Variants in KYNU observed in about 807,000 individuals in gnomAD.
KYNU encodes the protein L-kynurenine hydrolase.
A neutral mutation model predicts 59.2 loss-of-function variants in KYNU; 54 were observed. The ratio of observed to expected loss-of-function variants is 0.91; its 90% CI spans 0.73 to 1.14. The LOEUF (loss-of-function observed/expected upper bound fraction) is 1.14, where lower values mean the gene tolerates loss of function less well. Among genes scored for constraint, KYNU ranks in the 50% most tolerant of loss-of-function variants. The pLI, the probability that KYNU is intolerant of heterozygous loss-of-function variation, is 0.00. For synonymous variants in KYNU, 177 were observed against 192.0 expected (o/e 0.92, Z 0.65); for missense variants, 567 against 554.4 (o/e 1.02, Z -0.23).
At chr2:142,887,752 C>T (rs1304046860) in intron 2 of KYNU, among the ~76,000 whole-genome samples, 1 of 152,044 alleles carries the variant, frequency 6.6e-6, no homozygotes, top group Non-Finnish European at 1.5e-5. Context: ...TTGTCAGGAA[C>T]TTGGAGAGGG....
At chr2:142,966,996 ATAATC>A (rs1196866956) in intron 8 of KYNU, among the ~76,000 whole-genome samples, 2 of 152,060 alleles carry the variant, frequency 1.3e-5, no homozygotes, top group South Asian at 2.1e-4. Flanking sequence ...AAAGAAAAGA[ATAATC>A]TAAGCAGTTT....
chr2:142,946,831 T>C (rs994318614), intron 4 of KYNU, among the ~76,000 whole-genome samples: 3 of 152,208 alleles, frequency 2.0e-5, no homozygotes, highest in African/African-American at 7.2e-5. Flanking sequence ...GATAGCATCT[T>C]CTTCCAATAG....
At chr2:142,938,817 AT>A (rs201920749) in intron 4 of KYNU, among the ~76,000 whole-genome samples, 9,797 of 152,054 alleles carry the variant, frequency 0.064, 473 homozygotes, top group Non-Finnish European at 0.088. Flanking sequence ...AACCTATTAA[AT>A]TTTTTTTAAT....
At position 143,047,255 on chromosome 2, in the gene KYNU, A is replaced by G. The variant is rs1687180208; in HGVS notation, c.*5083A>G. 1 of 152,030 alleles carries G rather than the reference A, an allele frequency of 6.6e-6. No individual in the cohort carries two copies. Among genetic ancestry groups the G allele is most frequent in the African/African-American group, 2.4e-5 (1 of 41,386 alleles). The allele number at this position is 152,030 out of a possible 1,614,324, so 9.4% of individuals were successfully genotyped here. On this transcript the variant is annotated 3_prime_UTR_variant, in exon 14 of 14. Coordinates refer to ENST00000264170, the MANE Select transcript of KYNU (RefSeq NM_003937.3). Reference sequence around the variant, plus strand: ...CATTTTTAAGTGTTAAGTTAAAAAAAGTTGTAGAAACAGTGTTTTGCTACA... The same window carrying G: ...CATTTTTAAGTGTTAAGTTAAAAAAGGTTGTAGAAACAGTGTTTTGCTACA...
At position 142,881,723 on chromosome 2, in the gene KYNU, C is replaced by T. The variant is rs1254087853; in HGVS notation, c.-19-3626C>T. On this transcript the variant is annotated intron_variant, in intron 1 of 13. Coordinates refer to ENST00000264170, the MANE Select transcript of KYNU (RefSeq NM_003937.3). ...GACATTTCTACCTGCATGTTCAATA[C>T]TTATTTGAAACTTAATATATCCTAA... Among the ~76,000 whole-genome samples the T allele has an allele frequency of 2.0e-5, 3 of 152,026 alleles. No individual in the cohort carries two copies. In the East Asian group the frequency reaches 5.8e-4, roughly 29 times the overall value.
At chr2:143,018,961 T>C (rs12463485) in intron 10 of KYNU, among the ~76,000 whole-genome samples, 17,807 of 152,164 alleles carry the variant, frequency 0.12, 1,124 homozygotes, top group East Asian at 0.25. Flanking sequence ...ATAGAAGTGC[T>C]ACTGATTTTT....
chr2:142,894,109 C>T (rs559999204), intron 2 of KYNU, among the ~76,000 whole-genome samples: 10 of 152,260 alleles, frequency 6.6e-5, no homozygotes, highest in African/African-American at 2.4e-4. Flanking sequence ...TTGAAATCCT[C>T]GAAATACGAA....
chr2:142,960,004 C>T (rs143179311), intron 7 of KYNU, among the ~76,000 whole-genome samples: 11 of 152,002 alleles, frequency 7.2e-5, no homozygotes, highest in Admixed American at 4.6e-4. Flanking sequence ...CTCGTGCTTC[C>T]GCCACCCAAG....
chr2:143,004,097 A>T (rs1685794893), intron 10 of KYNU, among the ~76,000 whole-genome samples: 1 of 152,238 alleles, frequency 6.6e-6, no homozygotes, highest in Non-Finnish European at 1.5e-5. Context: ...TAACAAATTC[A>T]TTAGATGATA....
chr2:142,957,623 A>T lies in KYNU; in HGVS notation c.508-18A>T. 1 of 1,491,816 alleles carries T rather than the reference A, an allele frequency of 6.7e-7. No individual in the cohort carries two copies. The highest frequency in any genetic ancestry group is 1.1e-5 in the South Asian group (1 of 88,538). The allele number at this position is 1,491,816 out of a possible 1,614,324, so 92.4% of individuals were successfully genotyped here. ...GCTCTCAGCTTGATTTGATAAATAC[A>T]TCATCTTTCCTTTTTAGTATGCTAT... On this transcript the variant is annotated intron_variant, in intron 6 of 13. Transcript: ENST00000264170.
chr2:142,997,723 A>G (rs1230533427), intron 10 of KYNU, among the ~76,000 whole-genome samples: 1 of 152,156 alleles, frequency 6.6e-6, no homozygotes, highest in Non-Finnish European at 1.5e-5. Flanking sequence ...CTTTAACATA[A>G]GCTAAGAAAC....
chr2:142,920,555 T>C (rs561519351), intron 3 of KYNU, among the ~76,000 whole-genome samples: 6 of 152,352 alleles, frequency 3.9e-5, no homozygotes, highest in African/African-American at 1.4e-4. Context: ...TAAAGTTGCA[T>C]TTCAGGAAAG....
chr2:142,888,498 A>G (rs1681591959), intron 2 of KYNU, among the ~76,000 whole-genome samples: 1 of 152,048 alleles, frequency 6.6e-6, no homozygotes, highest in Admixed American at 6.6e-5. Context: ...AATGATGTAA[A>G]ACTTTATTAA....
chr2:142,972,821 G>A (rs1291626329), intron 8 of KYNU, among the ~76,000 whole-genome samples: 4 of 148,830 alleles, frequency 2.7e-5, no homozygotes, highest in African/African-American at 9.8e-5. Flanking sequence ...TATAGAGAGA[G>A]AGAGAGAGAG....
intron 8 of KYNU, chr2:142,971,467 C>A (rs941565566): frequency 6.6e-6 from 1 of 152,166 alleles, no homozygotes; most frequent in Non-Finnish European, 1.5e-5. Context: ...AACATTTTCT[C>A]ACTTTTCTGT....
rs1683823039 is a variant in KYNU at position 142,947,318 on chromosome 2, ATTC to A, written c.374-7491_374-7489del. The A allele has an allele frequency of 2.4e-6, 3 of 1,256,808 alleles. No individual in the cohort carries two copies. The East Asian group carries it at 7.7e-5, about 32-fold the overall frequency. The allele number at this position is 1,256,808 out of a possible 1,614,324, so 77.9% of individuals were successfully genotyped here. On this transcript the variant is annotated intron_variant, in intron 4 of 13. Transcript: ENST00000264170. Reference sequence around the variant, plus strand: ...CACTACACACCTGTGTCATAGAAGCATTCCATTTTTTCTATTGCAGATGGGATT... The same window carrying A: ...CACTACACACCTGTGTCATAGAAGCACATTTTTTCTATTGCAGATGGGATT...
chr2:143,004,749 A>G (rs1443410492), intron 10 of KYNU, among the ~76,000 whole-genome samples: 1 of 152,166 alleles, frequency 6.6e-6, no homozygotes, highest in Non-Finnish European at 1.5e-5. Flanking sequence ...AGCATACAAT[A>G]CTATCTTTAC....
In KYNU at chr2:142,885,424, A is replaced by C; in HGVS notation, c.57A>C (p.Glu19Asp). 1 of 1,614,060 alleles carries C rather than the reference A, an allele frequency of 6.2e-7. No homozygotes were observed. Among genetic ancestry groups the C allele is most frequent in the Non-Finnish European group, 8.5e-7 (1 of 1,180,004 alleles). Residue 19 changes from glutamate (E) to aspartate (D), a missense_variant, in exon 2 of 14, where the codon GAA becomes GAC. Coordinates refer to ENST00000264170, the MANE Select transcript of KYNU (RefSeq NM_003937.3). ...PADTVQRIAAELKCHPTDERV... is the reference protein window; with the variant it reads ...PADTVQRIAADLKCHPTDERV... ...ACACAGTGCAGCGCATTGCGGCTGA[A>C]CTCAAATGCCACCCAACGGATGAGA...
intron 10 of KYNU, among the ~76,000 whole-genome samples, chr2:142,993,096 C>T (rs1685448855): frequency 1.3e-5 from 2 of 151,876 alleles, no homozygotes; most frequent in Admixed American, 6.6e-5. Flanking sequence ...AAATGGAATG[C>T]AATACTAACT....
Sources: gnomAD v4.1 joint callset for allele counts (sites outside exome capture counted in the v4.1 genomes callset) on GRCh38, gnomAD v4.1.1 for gene constraint, MANE v1.5 for transcripts, NCBI Gene and HGNC (gene_info 2026-07-23, HGNC 2026-07-21) for gene names.